FERMT2: variants seen among roughly 807,000 people sequenced by gnomAD.
FERMT2 encodes the protein fermitin family homolog 2.
FERMT2 carries 15 observed loss-of-function variants against 82.7 expected under a neutral mutation model. The ratio of observed to expected loss-of-function variants is 0.18; its 90% CI spans 0.12 to 0.28. FERMT2 has a LOEUF of 0.28. Among genes scored for constraint, FERMT2 ranks in the 10% least tolerant of loss-of-function variants. The probability of loss-of-function intolerance (pLI) is 1.00; values close to 1 mark genes in which losing one functional copy is unlikely to be tolerated. For synonymous variants in FERMT2, 274 were observed against 271.5 expected (o/e 1.01, Z -0.09); for missense variants, 645 against 809.4 (o/e 0.80, Z 2.46).
At chr14:52,900,609 G>C (rs1887565081) in intron 3 of FERMT2, among the ~76,000 whole-genome samples, 1 of 152,084 alleles carries the variant, frequency 6.6e-6, no homozygotes, top group Admixed American at 6.5e-5. Flanking sequence ...AGATGGAACA[G>C]TAACTTTGTA....
At chr14:52,947,015 T>C (rs1890386230) in intron 2 of FERMT2, among the ~76,000 whole-genome samples, 1 of 152,168 alleles carries the variant, frequency 6.6e-6, no homozygotes, top group African/African-American at 2.4e-5. Context: ...GGATGAAGTA[T>C]AAACACTGAG....
At chr14:52,879,611 G>C (rs1886173560) in intron 6 of FERMT2, among the ~76,000 whole-genome samples, 1 of 152,032 alleles carries the variant, frequency 6.6e-6, no homozygotes, top group East Asian at 1.9e-4. Flanking sequence ...GATGTGGCCT[G>C]AAAATGAATT....
intron 3 of FERMT2, among the ~76,000 whole-genome samples, chr14:52,904,198 T>C (rs934137925): frequency 2.0e-5 from 3 of 152,102 alleles, no homozygotes; most frequent in African/African-American, 7.2e-5. Flanking sequence ...CTGGCCAACA[T>C]AGTGAAACCT....
At chr14:52,879,779 G>A (rs1054135004) in intron 6 of FERMT2, among the ~76,000 whole-genome samples, 2 of 152,070 alleles carry the variant, frequency 1.3e-5, no homozygotes, top group African/African-American at 4.8e-5. Flanking sequence ...CTTTCCCCAG[G>A]CTGAAAGAGA....
chr14:52,913,899 T>C (rs991704665), intron 3 of FERMT2, among the ~76,000 whole-genome samples: 2 of 151,886 alleles, frequency 1.3e-5, no homozygotes, highest in African/African-American at 4.8e-5. Flanking sequence ...CCAGTGAAGA[T>C]AGGTATAAGG....
intron 3 of FERMT2, among the ~76,000 whole-genome samples, chr14:52,906,543 G>A (rs905882921): frequency 5.9e-5 from 9 of 151,674 alleles, no homozygotes; most frequent in Non-Finnish European, 1.0e-4. Flanking sequence ...AGGAGTAAAG[G>A]GTGGGGGTGG....
At chr14:52,950,193 C>A (rs1890562296) in intron 2 of FERMT2, among the ~76,000 whole-genome samples, 1 of 152,084 alleles carries the variant, frequency 6.6e-6, no homozygotes, top group Non-Finnish European at 1.5e-5. Flanking sequence ...TTGGGAGGCT[C>A]GAATCATTAC....
chr14:52,928,066 T>TAG (rs1555373104), intron 2 of FERMT2: 2 of 351,482 alleles, frequency 5.7e-6, no homozygotes, highest in African/African-American at 4.2e-5. Context: ...GTAAGCAACT[T>TAG]AGAGTTTGGA....
intron 3 of FERMT2, among the ~76,000 whole-genome samples, chr14:52,910,754 C>T (rs987036146): frequency 6.6e-6 from 1 of 152,124 alleles, no homozygotes; most frequent in Admixed American, 6.5e-5. Flanking sequence ...TTCTGCTGGT[C>T]TTGGATCACT....
At chr14:52,892,159 G>GGTTTTTTTTTTTTTT (rs1555368978) in intron 4 of FERMT2, among the ~76,000 whole-genome samples, 19 of 78,816 alleles carry the variant, frequency 2.4e-4, no homozygotes, top group African/African-American at 7.0e-4. Context: ...AGAGAAGGCT[G>GGTTTTTTTTTTTTTT]TTTTTTGTTT....
At chr14:52,913,547 G>C (rs1350308703) in intron 3 of FERMT2, among the ~76,000 whole-genome samples, 3 of 152,144 alleles carry the variant, frequency 2.0e-5, no homozygotes, top group East Asian at 3.8e-4. Flanking sequence ...CTATGAGGAG[G>C]GTTGGGAAAC....
chr14:52,946,968 C>T (rs1391359481), intron 2 of FERMT2, among the ~76,000 whole-genome samples: 1 of 152,142 alleles, frequency 6.6e-6, no homozygotes, highest in Non-Finnish European at 1.5e-5. Context: ...CCACCGTACC[C>T]AACCTAAACT....
chr14:52,908,086 T>C (rs935734206), intron 3 of FERMT2, among the ~76,000 whole-genome samples: 3 of 152,168 alleles, frequency 2.0e-5, no homozygotes, highest in African/African-American at 7.2e-5. Flanking sequence ...ATTAAGCACA[T>C]GAATAGATGC....
chr14:52,868,855 A>T (rs911610929), intron 10 of FERMT2, among the ~76,000 whole-genome samples: 1 of 152,228 alleles, frequency 6.6e-6, no homozygotes, highest in Non-Finnish European at 1.5e-5. Flanking sequence ...GTAGAAGAGC[A>T]GCATCCAGAC....
intron 4 of FERMT2, 31 bp from the exon 5 acceptor site, chr14:52,881,500 G>T: frequency 7.0e-7 from 1 of 1,438,548 alleles, no homozygotes; most frequent in Non-Finnish European, 9.8e-7. Flanking sequence ...CAGGTAGTAA[G>T]TATGCAGTAC....
intron 3 of FERMT2, among the ~76,000 whole-genome samples, chr14:52,915,301 A>G (rs1473305764): frequency 1.3e-5 from 2 of 152,234 alleles, no homozygotes; most frequent in Non-Finnish European, 2.9e-5. Flanking sequence ...ATAGAAACAT[A>G]CAATTCCAAA....
intron 10 of FERMT2, among the ~76,000 whole-genome samples, chr14:52,867,064 G>T: frequency 6.8e-6 from 1 of 146,914 alleles, no homozygotes; most frequent in East Asian, 2.0e-4. Context: ...CCCCTTCCTT[G>T]TCATAGATAA....
At chr14:52,910,188 C>G (rs1036199733) in intron 3 of FERMT2, among the ~76,000 whole-genome samples, 19 of 152,138 alleles carry the variant, frequency 1.2e-4, no homozygotes, top group African/African-American at 4.6e-4. Context: ...ATTTTTTAAA[C>G]ACAACTGAGC....
chr14:52,901,885 G>A (rs1265659998), intron 3 of FERMT2, among the ~76,000 whole-genome samples: 1 of 152,206 alleles, frequency 6.6e-6, no homozygotes, highest in Non-Finnish European at 1.5e-5. Context: ...ATAAATTCGT[G>A]TTGTTTCAGG....
Sources: gnomAD v4.1 joint callset for allele counts (sites outside exome capture counted in the v4.1 genomes callset) on GRCh38, gnomAD v4.1.1 for gene constraint, MANE v1.5 for transcripts, NCBI Gene and HGNC (gene_info 2026-07-23, HGNC 2026-07-21) for gene names.